The following TMPRSS6 variants were observed in gnomAD, a reference collection of about 807,000 sequenced individuals.
The protein encoded by TMPRSS6 is transmembrane serine protease 6.
Under a neutral mutation model 101.5 loss-of-function variants are expected in TMPRSS6, and 67 were observed. That is an observed-to-expected ratio of 0.66 (90% CI 0.54 to 0.81). The LOEUF is 0.81. Ranked by LOEUF, TMPRSS6 falls within the 30% of genes least tolerant of loss-of-function variation. TMPRSS6 has a pLI of 0.00. For missense variants in TMPRSS6, 1,034 were observed against 1,088.7 expected (o/e 0.95, Z 0.71); for synonymous variants, 453 against 464.9 (o/e 0.97, Z 0.33).
chr22:37,109,339 C>T (rs757384060), intron 1 of TMPRSS6, 164 bp downstream of exon 1: 1 of 152,706 alleles, frequency 6.5e-6, no homozygotes, highest in Non-Finnish European at 1.5e-5. Context: ...GGCCCCTCAC[C>T]TTCTGCTCAC....
At chr22:37,071,436 C>T (rs1926894175) in intron 13 of TMPRSS6, among the ~76,000 whole-genome samples, 1 of 152,214 alleles carries the variant, frequency 6.6e-6, no homozygotes, top group Non-Finnish European at 1.5e-5. Flanking sequence ...AAGAACTTTC[C>T]ACTCCACCAC....
chr22:37,069,117 C>T lies in TMPRSS6; in HGVS notation c.2069G>A (p.Gly690Asp), dbSNP rs1230461188. Residue 690 changes from glycine (G) to aspartate (D), a missense_variant, in exon 16 of 18, where the codon GGC becomes GAC. Coordinates refer to ENST00000676104, the MANE Select transcript of TMPRSS6 (RefSeq NM_001374504.1). The surrounding 1 kb of genome is among the most constrained non-coding windows in gnomAD (Gnocchi z 4.8). ...LPARSHFFEP[G>D]LHCWITGWGA... ...CCAGCCCGTAATCCAGCAGTGCAGG[C>T]CGGGCTCGAAGAAGTGGGAGCGCGC... is the stretch of plus-strand genomic sequence containing the variant. 6.4e-6 allele frequency: 10 copies of T among 1,560,890 alleles called. No individual in the cohort carries two copies. Among genetic ancestry groups the T allele is most frequent in the Non-Finnish European group, 8.7e-6 (10 of 1,155,988 alleles).
chr22:37,089,481 C>T, intron 7 of TMPRSS6, 97 bp downstream of exon 7: 1 of 1,242,436 alleles, frequency 8.0e-7, no homozygotes, highest in South Asian at 1.3e-5. Context: ...AAGGTCCTAC[C>T]CTCCCTTGTC....
chr22:37,070,721 G>A, intron 14 of TMPRSS6, 69 bp from the exon 15 acceptor site: 1 of 1,536,170 alleles, frequency 6.5e-7, no homozygotes. Flanking sequence ...CAGAGAGGAA[G>A]GGCAAAGGAA....
chr22:37,097,216 C>T (rs1237654918), intron 3 of TMPRSS6, among the ~76,000 whole-genome samples: 1 of 152,238 alleles, frequency 6.6e-6, no homozygotes, highest in Admixed American at 6.5e-5. Context: ...CTGTTGTTAT[C>T]ACCCCTACCT....
At chr22:37,093,479 T>C (rs965239143) in intron 6 of TMPRSS6, among the ~76,000 whole-genome samples, 3 of 139,656 alleles carry the variant, frequency 2.1e-5, no homozygotes, top group African/African-American at 8.0e-5. Flanking sequence ...CTCAGCTCAC[T>C]GCAAGCTCCA....
chr22:37,102,966 G>T lies in TMPRSS6; in HGVS notation c.202+250C>A, dbSNP rs142613566. Among the ~76,000 whole-genome samples, 97 of 152,150 alleles carry T rather than the reference G, an allele frequency of 6.4e-4. 1 individual carries two copies. The East Asian group carries it at 0.018, about 28-fold the overall frequency. On this transcript the variant is annotated intron_variant, in intron 2 of 17. Coordinates refer to ENST00000676104, the MANE Select transcript of TMPRSS6 (RefSeq NM_001374504.1). Reference sequence around the variant, plus strand: ...GGAGGGCCCACTTTCCCCACCTGGTGGGGAGCTTTGGGGCACTTTGCCCAA... The same window carrying T: ...GGAGGGCCCACTTTCCCCACCTGGTTGGGAGCTTTGGGGCACTTTGCCCAA...
intron 13 of TMPRSS6, among the ~76,000 whole-genome samples, chr22:37,072,426 T>C (rs1927102434): frequency 7.1e-6 from 1 of 141,694 alleles, no homozygotes; most frequent in Non-Finnish European, 1.5e-5. Flanking sequence ...GATGGATTGA[T>C]GGATTGATGG....
chr22:37,066,353 C>T (rs999486374), intron 17 of TMPRSS6, 115 bp from the exon 18 acceptor site: 47 of 1,103,320 alleles, frequency 4.3e-5, no homozygotes, highest in Non-Finnish European at 5.8e-5. Flanking sequence ...GCCAGAGTCA[C>T]GTTCAGTCTT....
intron 9 of TMPRSS6, 64 bp from the exon 10 acceptor site, chr22:37,084,468 C>G: frequency 8.4e-7 from 1 of 1,185,494 alleles, no homozygotes; most frequent in Non-Finnish European, 1.2e-6. Flanking sequence ...GAACCCACCT[C>G]CCTAACAACA....
At chr22:37,071,096 C>T (rs1354731196) in intron 13 of TMPRSS6, 64 bp from the exon 14 acceptor site, 1 of 1,460,698 alleles carries the variant, frequency 6.8e-7, no homozygotes, top group East Asian at 2.3e-5. Flanking sequence ...GGAAACCTTC[C>T]AAAGTGGGGT....
intron 11 of TMPRSS6, 35 bp downstream of exon 11, chr22:37,075,100 C>A: frequency 6.2e-7 from 1 of 1,613,662 alleles, no homozygotes; most frequent in Non-Finnish European, 8.5e-7. Flanking sequence ...GGCAGCGAGT[C>A]ACTGCAGGGG....
chr22:37,086,129 G>A (rs1287516885), intron 8 of TMPRSS6, among the ~76,000 whole-genome samples, 154 bp downstream of exon 8: 2 of 151,778 alleles, frequency 1.3e-5, no homozygotes, highest in Non-Finnish European at 2.9e-5. Flanking sequence ...AGGGGGGCCG[G>A]GGTGGGGAGT....
intron 13 of TMPRSS6, among the ~76,000 whole-genome samples, chr22:37,072,720 TGATGGATGGATGGATGATGGACG>T (rs1927198408): frequency 7.4e-6 from 1 of 134,542 alleles, no homozygotes; most frequent in Non-Finnish European, 1.6e-5. Flanking sequence ...GATGGATGGA[TGATGGATGGATGGATGATGGACG>T]GATGGATGGA....
rs192191047 is a variant in TMPRSS6 at position 37,093,848 on chromosome 22, C to A, written c.631+1703G>T. ...GACCAGCCTGGCCAACACGGCAAAA[C>A]CTCATCTCTTCTAAAAATATACAAA... On this transcript the variant is annotated intron_variant, in intron 6 of 17. Transcript: ENST00000676104. 5.8e-4 allele frequency among the ~76,000 whole-genome samples: 88 copies of A among 151,620 alleles called. 1 individual carries two copies. Among genetic ancestry groups the A allele is most frequent in the African/African-American group, 2.0e-3 (83 of 41,366 alleles).
chr22:37,107,613 A>G (rs1310144142), intron 1 of TMPRSS6, among the ~76,000 whole-genome samples: 1 of 151,612 alleles, frequency 6.6e-6, no homozygotes, highest in African/African-American at 2.4e-5. Flanking sequence ...TGTTGTCACC[A>G]TGTGCCCTGC....
In TMPRSS6 at chr22:37,065,817, G is replaced by A. The variant is rs899158502; in HGVS notation, c.*263C>T. On this transcript the variant is annotated 3_prime_UTR_variant, in exon 18 of 18. Transcript: ENST00000676104. ...TTAGGCAGCAGTGGAGGAAGGGGAC[G>A]GAGGAGAGAGAATTGGGAGGCAGAA... 3.7e-6 allele frequency: 2 copies of A among 546,540 alleles called. No individual in the cohort carries two copies. The highest frequency in any genetic ancestry group is 2.1e-5 in the South Asian group (1 of 48,508). The allele number at this position is 546,540 out of a possible 1,614,324, so 33.9% of individuals were successfully genotyped here.
intron 1 of TMPRSS6, among the ~76,000 whole-genome samples, chr22:37,104,962 GA>G (rs57543962): frequency 6.7e-4 from 96 of 143,592 alleles, no homozygotes; most frequent in African/African-American, 2.2e-3. Context: ...CTCTGCTTGA[GA>G]AAAAAAAAAA....
chr22:37,099,964 T>C (rs577342468), intron 2 of TMPRSS6, among the ~76,000 whole-genome samples: 42 of 151,646 alleles, frequency 2.8e-4, no homozygotes, highest in Admixed American at 1.2e-3. Flanking sequence ...TTTCTTTTTG[T>C]TTTTGTTTTG....
Sources: gnomAD v4.1 joint callset for allele counts (sites outside exome capture counted in the v4.1 genomes callset) on GRCh38, gnomAD v4.1.1 for gene constraint, Gnocchi (gnomAD v3.1) non-coding constraint, MANE v1.5 for transcripts, NCBI Gene and HGNC (gene_info 2026-07-23, HGNC 2026-07-21) for gene names.